The following MAP3K3 variants were observed in gnomAD, a reference collection of about 807,000 sequenced individuals.
MAP3K3 encodes the protein mitogen-activated protein kinase kinase kinase 3.
A neutral mutation model predicts 80.9 loss-of-function variants in MAP3K3; 12 were observed. The observed-to-expected ratio is 0.15, with a 90% CI of 0.10 to 0.24. The LOEUF is 0.24. Among genes scored for constraint, MAP3K3 ranks in the 10% least tolerant of loss-of-function variants. The pLI, the probability that MAP3K3 is intolerant of heterozygous loss-of-function variation, is 1.00. For missense variants in MAP3K3, 596 were observed against 834.7 expected (o/e 0.71, Z 3.52); for synonymous variants, 272 against 307.1 (o/e 0.89, Z 1.19).
intron 3 of MAP3K3, among the ~76,000 whole-genome samples, chr17:63,650,676 GAGAGAGAGAGAGAGAGAGAGT>G (rs1429667524): frequency 5.4e-5 from 8 of 147,868 alleles, no homozygotes; most frequent in African/African-American, 2.1e-4. Flanking sequence ...GAGAGAGAGA[GAGAGAGAGAGAGAGAGAGAGT>G]TTTTTTTTTT....
intron 6 of MAP3K3, among the ~76,000 whole-genome samples, chr17:63,669,242 G>A (rs1464476611): frequency 1.3e-5 from 2 of 152,174 alleles, no homozygotes; most frequent in African/African-American, 4.8e-5. Context: ...TTCCACAGGG[G>A]ACAAGGGGAG....
At chr17:63,688,465 A>G (rs2143609839) in intron 8 of MAP3K3, 62 bp from the exon 9 acceptor site, 2 of 1,317,730 alleles carry the variant, frequency 1.5e-6, no homozygotes, top group South Asian at 1.2e-5. Context: ...GACTGCCTGG[A>G]CGCCCTGCTT....
chr17:63,689,183 G>A lies in MAP3K3; in HGVS notation c.871+302G>A, dbSNP rs2035527961. ...CAGCAGGTGGCCTGGGCCCTGTAGA[G>A]GGGTAAGGAGTAGGATACAAGGAAA... On this transcript the variant is annotated intron_variant, in intron 10 of 15. Transcript: ENST00000361733. This position sits in a 1 kb window ranked among gnomAD's most constrained non-coding sequence, Gnocchi z 4.3. 1.8e-6 allele frequency: 1 copy of A among 552,750 alleles called. No homozygotes were observed. The highest frequency in any genetic ancestry group is 3.2e-5 in the Admixed American group (1 of 30,952). The allele number at this position is 552,750 out of a possible 1,614,324, so 34.2% of individuals were successfully genotyped here.
chr17:63,632,676 T>C lies in MAP3K3; in HGVS notation c.5-5T>C. ...TCTTAGTCCATGTGCTCTCTTTCAT[T>C]GCAGACGAACAGGAGGCATTGAACT... On this transcript the variant is annotated splice_polypyrimidine_tract_variant and splice_region_variant and intron_variant, in intron 1 of 15. Transcript: ENST00000361733. 2 of 1,613,908 alleles carry C rather than the reference T, an allele frequency of 1.2e-6. No individual in the cohort carries two copies. Among genetic ancestry groups the C allele is most frequent in the South Asian group, 1.1e-5 (1 of 91,086 alleles).
intron 3 of MAP3K3, among the ~76,000 whole-genome samples, chr17:63,651,386 T>C (rs2034652534): frequency 6.6e-6 from 1 of 151,360 alleles, no homozygotes; most frequent in Admixed American, 6.6e-5. Context: ...GGCAGGAGGA[T>C]TGCGTGAGCC....
intron 2 of MAP3K3, 86 bp downstream of exon 2, chr17:63,632,888 A>G: frequency 6.4e-7 from 1 of 1,556,286 alleles, no homozygotes; most frequent in Non-Finnish European, 8.7e-7. Flanking sequence ...AGGAGACTAC[A>G]TTACCAGGGT....
chr17:63,625,305 ACTAT>A (rs2034078190), intron 1 of MAP3K3, among the ~76,000 whole-genome samples: 1 of 151,854 alleles, frequency 6.6e-6, no homozygotes, highest in Non-Finnish European at 1.5e-5. Flanking sequence ...TTGCTTTGAT[ACTAT>A]GTGGCTATAA....
intron 6 of MAP3K3, among the ~76,000 whole-genome samples, chr17:63,675,325 GA>G (rs2035195472): frequency 6.6e-6 from 1 of 152,146 alleles, no homozygotes. Context: ...AAGAGTTTAG[GA>G]AATAGTTAGT....
chr17:63,654,585 G>A (rs1343694240), intron 4 of MAP3K3, among the ~76,000 whole-genome samples: 8 of 152,152 alleles, frequency 5.3e-5, no homozygotes, highest in Admixed American at 3.3e-4. Context: ...ATACCTAGGC[G>A]TGGAATTGCT....
intron 1 of MAP3K3, among the ~76,000 whole-genome samples, chr17:63,631,336 A>G (rs2034211512): frequency 6.6e-6 from 1 of 152,188 alleles, no homozygotes; most frequent in Non-Finnish European, 1.5e-5. Context: ...AGACTTGAGC[A>G]GTTTTACTTC....
chr17:63,684,923 G>T (rs895174547), intron 7 of MAP3K3, among the ~76,000 whole-genome samples: 1 of 152,116 alleles, frequency 6.6e-6, no homozygotes, highest in Non-Finnish European at 1.5e-5. Context: ...GATTCCAAAG[G>T]CCTTTTGTTG....
chr17:63,630,611 G>A (rs535666142), intron 1 of MAP3K3, among the ~76,000 whole-genome samples: 8 of 152,310 alleles, frequency 5.3e-5, no homozygotes, highest in African/African-American at 1.9e-4. Context: ...ACAGGCATGA[G>A]CCACCCTGTC....
chr17:63,659,863 G>A (rs2034852198), intron 5 of MAP3K3, among the ~76,000 whole-genome samples: 1 of 152,030 alleles, frequency 6.6e-6, no homozygotes, highest in African/African-American at 2.4e-5. Flanking sequence ...AAACTGAGAA[G>A]TGAAATGGAA....
In MAP3K3 at chr17:63,694,148, A is replaced by T. The variant is rs2035647046; in HGVS notation, c.*371A>T. On this transcript the variant is annotated 3_prime_UTR_variant, in exon 16 of 16. Coordinates refer to ENST00000361733, the MANE Select transcript of MAP3K3 (RefSeq NM_002401.5). ...GCACAAGACTGACGCCAGGGTATGA[A>T]GAGTGTTATTTTCATTCAAAGTGTT... The T allele has an allele frequency of 5.1e-6, 1 of 195,230 alleles. No homozygotes were observed. The highest frequency in any genetic ancestry group is 1.4e-4 in the South Asian group (1 of 7,254). 12.1% of individuals were successfully genotyped at this position (195,230 alleles called of 1,614,324 possible). A position where few individuals can be genotyped will look rare whatever the true frequency, so the allele number is the denominator to read the frequency against.
chr17:63,689,498 A>G lies in MAP3K3; in HGVS notation c.872-46A>G. ...ACCTGGTTTGTACGTTCCGCCTCGT[A>G]GCCTGGGGTGTGACTTGCTCTCCTC... On this transcript the variant is annotated intron_variant, in intron 10 of 15. Transcript: ENST00000361733. The surrounding 1 kb of genome is among the most constrained non-coding windows in gnomAD (Gnocchi z 4.3). The G allele has an allele frequency of 6.4e-7, 1 of 1,556,262 alleles. No homozygotes were observed. The highest frequency in any genetic ancestry group is 1.2e-5 in the South Asian group (1 of 84,932).
In MAP3K3 at chr17:63,649,495, G is replaced by A. The variant is rs138687068; in HGVS notation, c.168-3062G>A. 8.4e-3 allele frequency among the ~76,000 whole-genome samples: 1,264 copies of A among 150,504 alleles called. 20 individuals carry two copies. The highest frequency in any genetic ancestry group is 0.029 in the African/African-American group (1,185 of 41,084). On this transcript the variant is annotated intron_variant, in intron 3 of 15. Transcript: ENST00000361733. ...CAGGCTGGAGTACAGTGGTGTGATC[G>A]TGGAGCCTCCACCTCCCAGGCTCAA...
At chr17:63,667,084 T>C (rs568655432) in intron 6 of MAP3K3, 24 bp downstream of exon 6, 7 of 1,558,884 alleles carry the variant, frequency 4.5e-6, no homozygotes, top group Middle Eastern at 1.7e-4. Context: ...CCCTTTTTTC[T>C]CCCCCTCTAT....
At chr17:63,646,010 C>T (rs1198492160) in intron 2 of MAP3K3, 24 bp from the exon 3 acceptor site, 2 of 1,609,682 alleles carry the variant, frequency 1.2e-6, no homozygotes, top group African/African-American at 1.3e-5. Flanking sequence ...AATTCTCTAA[C>T]CTGTCTATCA....
chr17:63,667,032 C>T lies in MAP3K3; in HGVS notation c.474C>T (p.Pro158=), dbSNP rs200260705. 1.5e-4 allele frequency: 249 copies of T among 1,610,872 alleles called. 5 individuals carry two copies. The South Asian group carries it at 2.5e-3, about 16-fold the overall frequency. Reference sequence around the variant, plus strand: ...ATATAAATACTATCTACCAGCCCCCCGAGCCCAGAAGCAGGCACCTCTCTG... The same window carrying T: ...ATATAAATACTATCTACCAGCCCCCTGAGCCCAGAAGCAGGCACCTCTCTG... ...AGDINTIYQP[P]EPRSRHLSVS... The change falls in exon 6 of 16, where the codon CCC becomes CCT. Residue 158 remains proline, a synonymous_variant. Transcript: ENST00000361733.
Sources: gnomAD v4.1 joint callset for allele counts (sites outside exome capture counted in the v4.1 genomes callset) on GRCh38, gnomAD v4.1.1 for gene constraint, Gnocchi (gnomAD v3.1) non-coding constraint, MANE v1.5 for transcripts, NCBI Gene and HGNC (gene_info 2026-07-23, HGNC 2026-07-21) for gene names.